ADCYAP1R1: variants seen among roughly 807,000 people sequenced by gnomAD.
ADCYAP1R1 encodes the protein pituitary adenylate cyclase-activating polypeptide type I receptor.
Under a neutral mutation model 67.6 loss-of-function variants are expected in ADCYAP1R1, and 44 were observed. The ratio of observed to expected loss-of-function variants is 0.65; its 90% CI spans 0.51 to 0.84. The LOEUF (loss-of-function observed/expected upper bound fraction) is 0.84, where lower values mean the gene tolerates loss of function less well. Among genes scored for constraint, ADCYAP1R1 ranks in the 40% least tolerant of loss-of-function variants. The probability of loss-of-function intolerance (pLI) is 0.00; values close to 1 mark genes in which losing one functional copy is unlikely to be tolerated. For missense variants in ADCYAP1R1, 477 were observed against 587.9 expected (o/e 0.81, Z 1.95); for synonymous variants, 222 against 219.6 (o/e 1.01, Z -0.10).
At chr7:31,077,405 G>A (rs1313222758) in intron 3 of ADCYAP1R1, among the ~76,000 whole-genome samples, 1 of 58,082 alleles carries the variant, frequency 1.7e-5, no homozygotes, top group Non-Finnish European at 4.0e-5. Context: ...GATGTGTGTG[G>A]TGTGTGTGTG....
At chr7:31,081,799 G>A in intron 6 of ADCYAP1R1, 45 bp downstream of exon 6, 1 of 1,525,624 alleles carries the variant, frequency 6.6e-7, no homozygotes, top group South Asian at 1.3e-5. Flanking sequence ...CTGGAGGGAG[G>A]GCGTCTGCTG....
Position 31,103,301 on chromosome 7 carries a change from T to G in ADCYAP1R1, c.1111T>G (p.Phe371Val), listed in dbSNP as rs757069455. 1 of 1,614,200 alleles carries G rather than the reference T, an allele frequency of 6.2e-7. No homozygotes were observed. Among genetic ancestry groups the G allele is most frequent in the Non-Finnish European group, 8.5e-7 (1 of 1,180,030 alleles). ...LFGIHYTVFAFSPENVSKRER... is the reference protein window; with the variant it reads ...LFGIHYTVFAVSPENVSKRER... Reference sequence around the variant, plus strand: ...CGGAATCCACTACACAGTATTTGCCTTCTCCCCAGAGAATGTCAGCAAAAG... The same window carrying G: ...CGGAATCCACTACACAGTATTTGCCGTCTCCCCAGAGAATGTCAGCAAAAG... Residue 371 changes from phenylalanine to valine, a missense_variant, in exon 14 of 16, where the codon TTC becomes GTC. Transcript: ENST00000304166.
At position 31,078,446 on chromosome 7, in the gene ADCYAP1R1, C is replaced by T. The variant is rs185006390; in HGVS notation, c.265+348C>T. On this transcript the variant is annotated intron_variant, in intron 4 of 15. Transcript: ENST00000304166. The stretch of plus-strand genomic sequence containing the variant: ...GGGTAATGTGAAGCGATGCTGTGGA[C>T]GCCACTTAGCACAGGACTTGGCGCG... 3.9e-5 allele frequency among the ~76,000 whole-genome samples: 6 copies of T among 152,298 alleles called. No individual in the cohort carries two copies. In the East Asian group the frequency reaches 5.8e-4, roughly 15 times the overall value.
rs1468473318 is a variant in ADCYAP1R1, at chr7:31,086,952, C to A, written c.833C>A (p.Thr278Asn). The part of the protein sequence containing the change: ...WYTIIGWGTP[T>N]VCVTVWATLR... ...TTTCTTGTTCTCCCAGGGACCCCAACTGTGTGTGTGACAGTGTGGGCTACG... is the reference window on the plus strand; with the variant it reads ...TTTCTTGTTCTCCCAGGGACCCCAAATGTGTGTGTGACAGTGTGGGCTACG... Residue 278 changes from threonine to asparagine, a missense_variant, in exon 11 of 16, where the codon ACT becomes AAT. Thr to Asn is a moderately conservative substitution (Grantham distance 65). Coordinates refer to ENST00000304166, the MANE Select transcript of ADCYAP1R1 (RefSeq NM_001118.5). The surrounding 1 kb of genome is among the most constrained non-coding windows in gnomAD (Gnocchi z 5.0). The A allele has an allele frequency of 3.1e-6, 5 of 1,614,086 alleles. No homozygotes were observed. Among genetic ancestry groups the A allele is most frequent in the African/African-American group, 1.3e-5 (1 of 74,930 alleles).
At chr7:31,073,359 G>GA (rs1296674098) in intron 3 of ADCYAP1R1, among the ~76,000 whole-genome samples, 2 of 152,056 alleles carry the variant, frequency 1.3e-5, no homozygotes, top group African/African-American at 4.8e-5. Flanking sequence ...AAAGTGGGAA[G>GA]AAAAAAAGAT....
chr7:31,098,712 G>C (rs940501900), intron 13 of ADCYAP1R1, among the ~76,000 whole-genome samples: 11 of 119,638 alleles, frequency 9.2e-5, no homozygotes, highest in South Asian at 3.8e-4. Context: ...GCGGGGGGGG[G>C]GGGGGGACCT....
At chr7:31,095,728 G>C (rs1014851410) in intron 13 of ADCYAP1R1, 22 of 717,866 alleles carry the variant, frequency 3.1e-5, no homozygotes, top group African/African-American at 7.0e-5. Flanking sequence ...TGTGCCCTCA[G>C]ACCAGCATTC....
At chr7:31,073,797 A>C (rs999418973) in intron 3 of ADCYAP1R1, among the ~76,000 whole-genome samples, 2 of 152,162 alleles carry the variant, frequency 1.3e-5, no homozygotes, top group African/African-American at 2.4e-5. Flanking sequence ...AGAGGGCTGG[A>C]TGGAGGCCTT....
Position 31,103,239 on chromosome 7 carries a change from G to A in ADCYAP1R1, c.1049G>A (p.Arg350Gln), listed in dbSNP as rs777102945. ...GATGTTTTGCTTTCCTCCGACAGGC[G>A]ACTGGCCCGGTCCACCCTGCTGCTC... ...MGGNESSIYL[R>Q]LARSTLLLIP... The change falls in exon 14 of 16, where the codon CGA (arginine) becomes CAA (glutamine). Residue 350 changes from arginine (R) to glutamine (Q), a missense_variant and splice_region_variant. Coordinates refer to ENST00000304166, the MANE Select transcript of ADCYAP1R1 (RefSeq NM_001118.5). 2.5e-6 allele frequency: 4 copies of A among 1,613,904 alleles called. No homozygotes were observed. The highest frequency in any genetic ancestry group is 1.1e-5 in the South Asian group (1 of 91,018).
intron 14 of ADCYAP1R1, 31 bp downstream of exon 14, chr7:31,103,397 C>T (rs762897190): frequency 1.3e-5 from 21 of 1,613,668 alleles, no homozygotes; most frequent in Non-Finnish European, 1.7e-5. Context: ...GGACAGAACT[C>T]ACTGGGAGCC....
chr7:31,103,204 C>T, intron 13 of ADCYAP1R1, 33 bp from the exon 14 acceptor site: 7 of 1,611,314 alleles, frequency 4.3e-6, no homozygotes, highest in Non-Finnish European at 5.9e-6. Flanking sequence ...CCCTGGAAGT[C>T]CCCAGAGCAG....
Position 31,074,090 on chromosome 7 carries a change from C to G in ADCYAP1R1, c.158-3901C>G, listed in dbSNP as rs142395571. ...GGGCACCAGTAGGTCCTGGGTGAAT[C>G]TCTGTTCCAGATTTGAGCTCTGGTC... On this transcript the variant is annotated intron_variant, in intron 3 of 15. Transcript: ENST00000304166. Among the ~76,000 whole-genome samples the G allele has an allele frequency of 5.5e-3, 832 of 152,284 alleles. 6 individuals carry two copies. Among genetic ancestry groups the G allele is most frequent in the Middle Eastern group, 0.02 (6 of 294 alleles).
intron 3 of ADCYAP1R1, among the ~76,000 whole-genome samples, chr7:31,065,190 T>C (rs1794684848): frequency 6.6e-6 from 1 of 152,178 alleles, no homozygotes; most frequent in South Asian, 2.1e-4. Context: ...CCACAGGAGC[T>C]GGGATAGCAC....
intron 3 of ADCYAP1R1, among the ~76,000 whole-genome samples, chr7:31,065,684 G>A (rs143269439): frequency 5.9e-5 from 9 of 152,318 alleles, no homozygotes; most frequent in Middle Eastern, 3.4e-3. Flanking sequence ...GAGCAAAGGC[G>A]CCCTCAGCTC....
At chr7:31,060,934 G>A (rs1305138488) in intron 1 of ADCYAP1R1, among the ~76,000 whole-genome samples, 2 of 152,202 alleles carry the variant, frequency 1.3e-5, no homozygotes, top group Admixed American at 1.3e-4. Context: ...ACTGCTGCCC[G>A]AACCACAGCT....
At chr7:31,100,334 G>A (rs1273209804) in intron 13 of ADCYAP1R1, 4 of 907,056 alleles carry the variant, frequency 4.4e-6, no homozygotes, top group South Asian at 1.5e-5. Flanking sequence ...ACCCATTCCC[G>A]GCTGTTGCAT....
intron 5 of ADCYAP1R1, 27 bp downstream of exon 5, chr7:31,080,660 C>A (rs1266706323): frequency 6.2e-7 from 1 of 1,612,586 alleles, no homozygotes; most frequent in Non-Finnish European, 8.5e-7. Context: ...TGAGGATAGA[C>A]CGCTGTCTTT....
chr7:31,100,916 C>T (rs911880011), intron 13 of ADCYAP1R1, among the ~76,000 whole-genome samples: 6 of 152,210 alleles, frequency 3.9e-5, no homozygotes, highest in Admixed American at 3.9e-4. Context: ...ATCTCTGATG[C>T]CCTTCTTGGT....
At chr7:31,077,906 A>T in intron 3 of ADCYAP1R1, 85 bp from the exon 4 acceptor site, 1 of 785,144 alleles carries the variant, frequency 1.3e-6, no homozygotes, top group Non-Finnish European at 2.0e-6. Flanking sequence ...TGTGGTGTGT[A>T]TGTTGGTGTG....
Sources: gnomAD v4.1 joint callset for allele counts (sites outside exome capture counted in the v4.1 genomes callset) on GRCh38, gnomAD v4.1.1 for gene constraint, Gnocchi (gnomAD v3.1) non-coding constraint, MANE v1.5 for transcripts, NCBI Gene and HGNC (gene_info 2026-07-23, HGNC 2026-07-21) for gene names.